The following ZFHX3 variants were observed in gnomAD, a reference collection of about 807,000 sequenced individuals.
The protein encoded by ZFHX3 is zinc finger homeobox 3.
ZFHX3 carries 42 observed loss-of-function variants against 279.1 expected under a neutral mutation model. The observed-to-expected ratio is 0.15, with a 90% CI of 0.12 to 0.19. The LOEUF (loss-of-function observed/expected upper bound fraction) is 0.19, where lower values mean the gene tolerates loss of function less well. Among genes scored for constraint, ZFHX3 ranks in the 10% least tolerant of loss-of-function variants. ZFHX3 has a pLI of 1.00. For missense variants in ZFHX3, 4,981 were observed against 4,754.0 expected, an observed-to-expected ratio of 1.05 and a Z score of -1.40; for synonymous variants, 2,293 against 1,957.8, an observed-to-expected ratio of 1.17 and a Z score of -4.52.
intron 3 of ZFHX3, among the ~76,000 whole-genome samples, chr16:72,907,883 C>G (rs912360289): frequency 1.3e-5 from 2 of 151,978 alleles, no homozygotes; most frequent in Non-Finnish European, 2.9e-5. Context: ...GGGGTCTCAT[C>G]ATCTTGACCA....
chr16:73,489,447 A>C (rs961171646), intron 2 of ZFHX3, among the ~76,000 whole-genome samples: 3 of 152,200 alleles, frequency 2.0e-5, no homozygotes, highest in East Asian at 1.9e-4. Flanking sequence ...TTTCCAACTG[A>C]ATCCAGCATA....
rs374552910 is a variant in ZFHX3, at chr16:72,959,923, C to T, written c.223G>A (p.Ala75Thr). 39 of 1,598,780 alleles carry T rather than the reference C, an allele frequency of 2.4e-5. No homozygotes were observed. The highest frequency in any genetic ancestry group is 3.2e-5 in the Non-Finnish European group (38 of 1,171,838). ...TASAGPPSEP[A>T]SKEVTCNECS... ...TCGTTGCAGGTGACCTCCTTGCTGG[C>T]GGGCTCGGAGGGGGGCCCGGCCGAC... The change falls in exon 2 of 10, where the codon GCC (alanine) becomes ACC (threonine). Residue 75 changes from alanine (A) to threonine (T), a missense_variant. By Grantham distance (58) the Ala-to-Thr change is moderately conservative. Around this residue, in one of 7 missense-constraint regions of ZFHX3, gnomAD observed 1,068 missense variants for 935.2 expected, o/e 1.14. Transcript: ENST00000268489.
Position 73,004,535 on chromosome 16 carries a change from A to T in ZFHX3, c.-50+43217T>A, listed in dbSNP as rs140420272. ...CCCCATGTTGGCCAGGCTGTTCTTGAACTCCTGACCTTGTGATGTGCCTGC... is the reference window on the plus strand; with the variant it reads ...CCCCATGTTGGCCAGGCTGTTCTTGTACTCCTGACCTTGTGATGTGCCTGC... On this transcript the variant is annotated intron_variant, in intron 1 of 9. Coordinates refer to ENST00000268489, the MANE Select transcript of ZFHX3 (RefSeq NM_006885.4). Among the ~76,000 whole-genome samples, 3 of 151,484 alleles carry T rather than the reference A, an allele frequency of 2.0e-5. No individual in the cohort carries two copies. The East Asian group carries it at 5.9e-4, about 30-fold the overall frequency.
Position 72,795,713 on chromosome 16 carries a change from T to C in ZFHX3, c.6969A>G (p.Thr2323=), listed in dbSNP as rs1265503899. The C allele has an allele frequency of 7.4e-6, 12 of 1,614,052 alleles. No individual in the cohort carries two copies. Among genetic ancestry groups the C allele is most frequent in the Non-Finnish European group, 1.0e-5 (12 of 1,180,046 alleles). Residue 2323 remains threonine (T), a synonymous_variant, in exon 9 of 10, where the codon ACA becomes ACG. Transcript: ENST00000268489. ...TTTTGCACTGGTAGTTCAAGTTGCTTGTTCGAATGTATCTATCATTTGTAA... is the reference window on the plus strand; with the variant it reads ...TTTTGCACTGGTAGTTCAAGTTGCTCGTTCGAATGTATCTATCATTTGTAA... ...RELTNDRYIR[T]SNLNYQCKKC... is the part of the protein sequence containing the mutation.
rs539199124 is a variant in ZFHX3 at position 73,612,886 on chromosome 16, G to A, written c.-1547+67294C>T. ...TGATATAATAGAAAAAAATGATTTC[G>A]ATGAAATGAAAAAAAAGAAGTAGGG... is the stretch of plus-strand genomic sequence containing the variant. On this transcript the variant is annotated intron_variant, in intron 2 of 17. Coordinates refer to the ZFHX3 transcript ENST00000641206. Among the ~76,000 whole-genome samples, 22 of 151,756 alleles carry A rather than the reference G, an allele frequency of 1.4e-4. No homozygotes were observed. In the East Asian group the frequency reaches 2.7e-3, roughly 19 times the overall value.
chr16:73,881,387 G>A (rs867369187), intron 1 of ZFHX3, among the ~76,000 whole-genome samples: 3 of 145,588 alleles, frequency 2.1e-5, no homozygotes, highest in East Asian at 4.1e-4. Flanking sequence ...GGATTATGTC[G>A]TATTGGACCC....
intron 4 of ZFHX3, among the ~76,000 whole-genome samples, chr16:73,269,468 G>A (rs1302586119): frequency 4.0e-5 from 6 of 150,878 alleles, no homozygotes; most frequent in African/African-American, 1.5e-4. Context: ...ATGCCTTTGA[G>A]ATCCATCTAT....
chr16:72,865,362 GCCCGTTCAGC>G (rs1486713216), intron 4 of ZFHX3, among the ~76,000 whole-genome samples: 1 of 152,218 alleles, frequency 6.6e-6, no homozygotes, highest in African/African-American at 2.4e-5. Flanking sequence ...ATACACACAA[GCCCGTTCAGC>G]CCCGAGTTGG....
At chr16:73,055,376 G>A (rs1965525535) in intron 1 of ZFHX3, among the ~76,000 whole-genome samples, 2 of 152,130 alleles carry the variant, frequency 1.3e-5, no homozygotes, top group Admixed American at 6.5e-5. Flanking sequence ...CCAAACACCT[G>A]AAAGGGGGAG....
At position 72,787,239 on chromosome 16, in the gene ZFHX3, C is replaced by T; in HGVS notation, c.11037G>A (p.Val3679=). 6.2e-7 allele frequency: 1 copy of T among 1,614,052 alleles called. No homozygotes were observed. The highest frequency in any genetic ancestry group is 1.7e-5 in the Admixed American group (1 of 60,018). Residue 3679 remains valine (V), a synonymous_variant, in exon 10 of 10, where the codon GTG becomes GTA. Coordinates refer to ENST00000268489, the MANE Select transcript of ZFHX3 (RefSeq NM_006885.4). ...SQKSDGPASP[V]EGPKDPSCPK... ...GGCAGCTGGGGTCTTTGGGACCCTC[C>T]ACCGGGCTCGCCGGTCCGTCGGACT...
At chr16:73,786,572 G>A (rs1220202107) in intron 1 of ZFHX3, among the ~76,000 whole-genome samples, 1 of 152,138 alleles carries the variant, frequency 6.6e-6, no homozygotes, top group Admixed American at 6.5e-5. Context: ...GAGGTGATAA[G>A]CCTGGACAAC....
At chr16:73,741,801 G>C (rs1048891192) in intron 1 of ZFHX3, among the ~76,000 whole-genome samples, 4 of 152,158 alleles carry the variant, frequency 2.6e-5, no homozygotes, top group Non-Finnish European at 5.9e-5. Context: ...GGAGAGGAAA[G>C]AAAGACAAAC....
chr16:72,967,332 C>T (rs1961889851), intron 1 of ZFHX3, among the ~76,000 whole-genome samples: 1 of 151,952 alleles, frequency 6.6e-6, no homozygotes, highest in Admixed American at 6.6e-5. Context: ...GTCAAAATGA[C>T]CTAGGAGTGG....
At chr16:73,153,509 T>C (rs1966999853) in intron 5 of ZFHX3, among the ~76,000 whole-genome samples, 1 of 152,188 alleles carries the variant, frequency 6.6e-6, no homozygotes, top group Non-Finnish European at 1.5e-5. Context: ...CCAGGTTCTG[T>C]CCCCTTCCTT....
chr16:73,002,661 C>T (rs1023160977), intron 1 of ZFHX3, among the ~76,000 whole-genome samples: 1 of 152,126 alleles, frequency 6.6e-6, no homozygotes, highest in Non-Finnish European at 1.5e-5. Flanking sequence ...ACCATAGATG[C>T]TTACAGTAAA....
At chr16:73,127,940 G>C (rs1966600834) in intron 7 of ZFHX3, among the ~76,000 whole-genome samples, 1 of 152,210 alleles carries the variant, frequency 6.6e-6, no homozygotes, top group South Asian at 2.1e-4. Flanking sequence ...CTGCTGGGTA[G>C]AAGCATTTAA....
intron 1 of ZFHX3, among the ~76,000 whole-genome samples, chr16:73,056,616 C>A (rs888343461): frequency 6.6e-6 from 1 of 152,180 alleles, no homozygotes; most frequent in Non-Finnish European, 1.5e-5. Context: ...GTGGACTTCC[C>A]TATATTGTTC....
At chr16:73,861,792 T>C (rs1961887316) in intron 1 of ZFHX3, among the ~76,000 whole-genome samples, 1 of 152,226 alleles carries the variant, frequency 6.6e-6, no homozygotes, top group Admixed American at 6.5e-5. Context: ...ATGCTATTTC[T>C]GTGTACAAAT....
chr16:73,331,563 C>A (rs1009759438), intron 3 of ZFHX3, among the ~76,000 whole-genome samples: 3 of 152,180 alleles, frequency 2.0e-5, no homozygotes, highest in African/African-American at 7.2e-5. Context: ...CACAATTGTG[C>A]TTTCCTAAGT....
Sources: allele counts gnomAD v4.1 joint callset (sites outside exome capture counted in the v4.1 genomes callset), GRCh38; gene constraint gnomAD v4.1.1; regional missense constraint gnomAD v4.1.1; transcripts MANE v1.5; gene names NCBI Gene and HGNC (gene_info 2026-07-23, HGNC 2026-07-21).